The following KIF26B variants were observed in gnomAD, a reference collection of about 807,000 sequenced individuals.
KIF26B encodes the protein kinesin-like protein KIF26B.
In KIF26B, 63 loss-of-function variants were observed where a neutral mutation model predicts 151.2. The observed-to-expected ratio is 0.42, with a 90% CI of 0.34 to 0.51. The LOEUF is 0.51. Among genes scored for constraint, KIF26B ranks in the 20% least tolerant of loss-of-function variants. The pLI is 0.07. For synonymous variants in KIF26B, 1,357 were observed against 1,262.1 expected (o/e 1.08, Z -1.59); for missense variants, 2,813 against 2,913.6 (o/e 0.97, Z 0.79).
chr1:245,687,655 G>A lies in KIF26B; in HGVS notation c.4672G>A (p.Ala1558Thr). 1.9e-6 allele frequency: 3 copies of A among 1,574,272 alleles called. No homozygotes were observed. The highest frequency in any genetic ancestry group is 2.6e-6 in the Non-Finnish European group (3 of 1,160,252). The stretch of plus-strand genomic sequence containing the variant: ...GCCGGACAGCCTCTCCTATTACTGC[G>A]CTGCTGAGACCAACGGGGTGGGTGC... Reference protein sequence around the residue: ...EEPDSLSYYCAAETNGVGAAS... With the variant: ...EEPDSLSYYCTAETNGVGAAS... Residue 1558 changes from alanine (A) to threonine (T), a missense_variant, in exon 12 of 15, where the codon GCT (alanine) becomes ACT (threonine). By Grantham distance (58) the Ala-to-Thr change is moderately conservative. Coordinates refer to ENST00000407071, the MANE Select transcript of KIF26B (RefSeq NM_018012.4). This position sits in a 1 kb window ranked among gnomAD's most constrained non-coding sequence, Gnocchi z 4.9.
At chr1:245,656,845 ATTCAT>A (rs1391739425) in intron 10 of KIF26B, among the ~76,000 whole-genome samples, 2 of 152,072 alleles carry the variant, frequency 1.3e-5, no homozygotes, top group Non-Finnish European at 2.9e-5. Flanking sequence ...TAATTCATTC[ATTCAT>A]TTCATTTATT....
At chr1:245,435,776 C>T (rs904968728) in intron 4 of KIF26B, among the ~76,000 whole-genome samples, 5 of 152,146 alleles carry the variant, frequency 3.3e-5, no homozygotes, top group Admixed American at 2.6e-4. Context: ...TGCTGCCCAC[C>T]CTAGGTCCGA....
intron 3 of KIF26B, among the ~76,000 whole-genome samples, chr1:245,413,555 C>T (rs1395785489): frequency 2.0e-5 from 3 of 152,154 alleles, no homozygotes; most frequent in Non-Finnish European, 4.4e-5. Context: ...CCCAGCTACT[C>T]AGGAGGCTGA....
intron 10 of KIF26B, among the ~76,000 whole-genome samples, chr1:245,678,475 A>G (rs2044383303): frequency 6.6e-6 from 1 of 152,026 alleles, no homozygotes; most frequent in South Asian, 2.1e-4. Flanking sequence ...TCGGCATTTA[A>G]ATATTAGTTG....
rs183679486 is a variant in KIF26B, at chr1:245,656,291, C to T, written c.2258+10011C>T. 8.6e-4 allele frequency among the ~76,000 whole-genome samples: 131 copies of T among 152,266 alleles called. No individual in the cohort carries two copies. In the Middle Eastern group the frequency reaches 0.014, roughly 16 times the overall value. On this transcript the variant is annotated intron_variant, in intron 10 of 14. Coordinates refer to ENST00000407071, the MANE Select transcript of KIF26B (RefSeq NM_018012.4). ...GGTGATTCTCAAGCTCTCTCCTCCT[C>T]GAGTCCCACTCATTCTCTACTCACG...
At chr1:245,334,036 T>A (rs1465131886) in intron 2 of KIF26B, among the ~76,000 whole-genome samples, 2 of 149,522 alleles carry the variant, frequency 1.3e-5, no homozygotes, top group East Asian at 3.9e-4. Flanking sequence ...GGATGTCGGG[T>A]GAGGTGGGCT....
At chr1:245,483,703 A>G (rs1232945164) in intron 4 of KIF26B, among the ~76,000 whole-genome samples, 1 of 151,844 alleles carries the variant, frequency 6.6e-6, no homozygotes, top group Non-Finnish European at 1.5e-5. Flanking sequence ...CAGAGGAAGC[A>G]GAAGGTTAAA....
intron 4 of KIF26B, among the ~76,000 whole-genome samples, chr1:245,498,507 C>A (rs1259791896): frequency 6.6e-6 from 1 of 152,098 alleles, no homozygotes; most frequent in East Asian, 1.9e-4. Context: ...GGGAGAGAGC[C>A]CAGCAGTTGG....
At chr1:245,290,510 T>G (rs376362626) in intron 2 of KIF26B, among the ~76,000 whole-genome samples, 5 of 152,216 alleles carry the variant, frequency 3.3e-5, no homozygotes, top group African/African-American at 1.2e-4. Context: ...TTTTAGACCA[T>G]GTAGGGTAAC....
At chr1:245,288,480 T>C (rs757656298) in intron 2 of KIF26B, among the ~76,000 whole-genome samples, 21 of 152,142 alleles carry the variant, frequency 1.4e-4, no homozygotes, top group Non-Finnish European at 2.8e-4. Context: ...ATTGAGCAAA[T>C]GTCCCTGGAA....
intron 4 of KIF26B, among the ~76,000 whole-genome samples, chr1:245,508,609 C>T (rs779754171): frequency 3.9e-5 from 6 of 152,080 alleles, no homozygotes; most frequent in Non-Finnish European, 8.8e-5. Context: ...TTTCATTCCA[C>T]CTCTGTTTCA....
Position 245,595,533 on chromosome 1 carries a change from C to G in KIF26B, c.1351-7044C>G, listed in dbSNP as rs1168829397. Among the ~76,000 whole-genome samples, 6 of 152,260 alleles carry G rather than the reference C, an allele frequency of 3.9e-5. No homozygotes were observed. The East Asian group carries it at 1.2e-3, about 29-fold the overall frequency. ...AGCCGACCTGATCGTGGTGGATAAG[C>G]TTTTTGATGTGCTGCTGGATTCAGT... On this transcript the variant is annotated intron_variant, in intron 5 of 14. Coordinates refer to ENST00000407071, the MANE Select transcript of KIF26B (RefSeq NM_018012.4).
intron 9 of KIF26B, among the ~76,000 whole-genome samples, chr1:245,637,657 A>G (rs1220056103): frequency 1.3e-5 from 2 of 151,834 alleles, no homozygotes; most frequent in Non-Finnish European, 2.9e-5. Context: ...ATTTAAGTCC[A>G]TTTTGAGTTG....
intron 2 of KIF26B, among the ~76,000 whole-genome samples, chr1:245,319,876 A>G (rs1386721412): frequency 1.3e-5 from 2 of 152,120 alleles, no homozygotes; most frequent in Non-Finnish European, 2.9e-5. Flanking sequence ...AGTCCATGCT[A>G]TTTCTCTGTT....
intron 5 of KIF26B, among the ~76,000 whole-genome samples, chr1:245,582,614 T>C (rs2043186721): frequency 6.6e-6 from 1 of 152,196 alleles, no homozygotes; most frequent in African/African-American, 2.4e-5. Context: ...TGCAATAGGC[T>C]GGGCTTGATC....
Position 245,705,689 on chromosome 1 carries a change from C to G in KIF26B, c.*3083C>G, listed in dbSNP as rs2044831523. On this transcript the variant is annotated 3_prime_UTR_variant, in exon 15 of 15. Coordinates refer to ENST00000407071, the MANE Select transcript of KIF26B (RefSeq NM_018012.4). ...CTGCTCCAAATATGTGAGGTGGAAGCATTAGCAGCGGAGCAAAACTAAGAT... is the reference window on the plus strand; with the variant it reads ...CTGCTCCAAATATGTGAGGTGGAAGGATTAGCAGCGGAGCAAAACTAAGAT... The G allele has an allele frequency of 6.6e-6, 1 of 152,262 alleles. No homozygotes were observed. Among genetic ancestry groups the G allele is most frequent in the South Asian group, 2.1e-4 (1 of 4,828 alleles). 9.4% of individuals were successfully genotyped at this position (152,262 alleles called of 1,614,324 possible).
At chr1:245,173,447 G>A (rs957202420) in intron 2 of KIF26B, among the ~76,000 whole-genome samples, 3 of 152,104 alleles carry the variant, frequency 2.0e-5, no homozygotes, top group Admixed American at 6.5e-5. Flanking sequence ...TGCACTGGTC[G>A]CCCAGTGACG....
At chr1:245,299,320 G>GTTT (rs55957858) in intron 2 of KIF26B, among the ~76,000 whole-genome samples, 33 of 103,194 alleles carry the variant, frequency 3.2e-4, no homozygotes, top group African/African-American at 7.8e-4. Context: ...CCAATTCTGG[G>GTTT]TTTTTTTTTT....
Position 245,597,845 on chromosome 1 carries a change from T to C in KIF26B, c.1351-4732T>C, listed in dbSNP as rs1396961700. On this transcript the variant is annotated intron_variant, in intron 5 of 14. Transcript: ENST00000407071. This position sits in a 1 kb window ranked among gnomAD's most constrained non-coding sequence, Gnocchi z 4.6. Reference sequence around the variant, plus strand: ...GTTCATTCCTTTTCATTCTTTTTTCTCTAATCTTGTCTTCACGCTTTATTT... The same window carrying C: ...GTTCATTCCTTTTCATTCTTTTTTCCCTAATCTTGTCTTCACGCTTTATTT... Among the ~76,000 whole-genome samples the C allele has an allele frequency of 6.6e-6, 1 of 152,098 alleles. No individual in the cohort carries two copies. The highest frequency in any genetic ancestry group is 1.5e-5 in the Non-Finnish European group (1 of 68,030).
Sources: allele counts gnomAD v4.1 joint callset (sites outside exome capture counted in the v4.1 genomes callset), GRCh38; gene constraint gnomAD v4.1.1; non-coding constraint Gnocchi (gnomAD v3.1); transcripts MANE v1.5; gene names NCBI Gene and HGNC (gene_info 2026-07-23, HGNC 2026-07-21).